SPRED2: variants seen among roughly 807,000 people sequenced by gnomAD.
The protein encoded by SPRED2 is sprouty-related, EVH1 domain-containing protein 2.
Under a neutral mutation model 43.0 loss-of-function variants are expected in SPRED2, and 47 were observed. The observed-to-expected ratio is 1.09, with a 90% CI of 0.87 to 1.40. The LOEUF is 1.40. Ranked by LOEUF, SPRED2 falls within the 40% of genes most tolerant of loss-of-function variation. The probability of loss-of-function intolerance (pLI) is 0.00; values close to 1 mark genes in which losing one functional copy is unlikely to be tolerated. For synonymous variants in SPRED2, 225 were observed against 225.7 expected, an observed-to-expected ratio of 1.00 and a Z score of 0.03; for missense variants, 561 against 586.4, an observed-to-expected ratio of 0.96 and a Z score of 0.45.
At chr2:65,364,186 A>G (rs1055390963) in intron 1 of SPRED2, among the ~76,000 whole-genome samples, 2 of 152,194 alleles carry the variant, frequency 1.3e-5, no homozygotes, top group African/African-American at 4.8e-5. Flanking sequence ...GTGGCTCTGG[A>G]TTGTAGACTC....
intron 4 of SPRED2, among the ~76,000 whole-genome samples, chr2:65,323,245 T>G (rs776044489): frequency 1.1e-3 from 160 of 152,262 alleles, no homozygotes; most frequent in Non-Finnish European, 1.7e-3. Context: ...TCCGCCCACC[T>G]CAGCCTCCCA....
intron 1 of SPRED2, among the ~76,000 whole-genome samples, chr2:65,356,386 CAT>C (rs1047601697): frequency 6.6e-6 from 1 of 152,048 alleles, no homozygotes; most frequent in Non-Finnish European, 1.5e-5. Context: ...ACCTGAAAAT[CAT>C]AAATATTGGG....
At chr2:65,430,731 C>T (rs376380199) in intron 1 of SPRED2, among the ~76,000 whole-genome samples, 29 of 152,274 alleles carry the variant, frequency 1.9e-4, no homozygotes, top group East Asian at 1.4e-3. Context: ...GCTCTTTGCG[C>T]CCAAGCCCGC....
intron 1 of SPRED2, among the ~76,000 whole-genome samples, chr2:65,390,310 A>G (rs916697623): frequency 1.3e-5 from 2 of 152,212 alleles, no homozygotes; most frequent in African/African-American, 4.8e-5. Flanking sequence ...TAACTCTGCC[A>G]TGGAAATCCC....
intron 2 of SPRED2, among the ~76,000 whole-genome samples, chr2:65,335,654 C>T (rs141314849): frequency 6.6e-6 from 1 of 152,308 alleles, no homozygotes; most frequent in Non-Finnish European, 1.5e-5. Context: ...TGATTTCAAA[C>T]TATTCTTTAA....
intron 1 of SPRED2, among the ~76,000 whole-genome samples, chr2:65,394,949 C>G (rs1200625812): frequency 6.6e-6 from 1 of 151,964 alleles, no homozygotes; most frequent in Non-Finnish European, 1.5e-5. Flanking sequence ...ATTTTCTGAC[C>G]GAGGAAAATA....
chr2:65,343,912 C>T (rs547307095), intron 2 of SPRED2, among the ~76,000 whole-genome samples: 3 of 152,072 alleles, frequency 2.0e-5, no homozygotes, highest in South Asian at 2.1e-4. Flanking sequence ...TTTGGGAGGC[C>T]GAGGTGGGTG....
chr2:65,410,534 C>T (rs1290433120), intron 1 of SPRED2, among the ~76,000 whole-genome samples: 2 of 152,066 alleles, frequency 1.3e-5, no homozygotes, highest in South Asian at 2.1e-4. Flanking sequence ...CCGAGGCGGG[C>T]GGATCACAAG....
At chr2:65,359,656 G>A (rs1674748351) in intron 1 of SPRED2, among the ~76,000 whole-genome samples, 1 of 152,164 alleles carries the variant, frequency 6.6e-6, no homozygotes, top group Admixed American at 6.5e-5. Flanking sequence ...CTGGCTGGGC[G>A]CAGTGACTCA....
chr2:65,409,897 G>A (rs1178779956), intron 1 of SPRED2, among the ~76,000 whole-genome samples: 3 of 151,900 alleles, frequency 2.0e-5, no homozygotes, highest in Non-Finnish European at 4.4e-5. Context: ...AGGTGTGGTG[G>A]CGCGTGCCTG....
intron 1 of SPRED2, 105 bp downstream of exon 1, chr2:65,431,857 C>G: frequency 7.2e-7 from 1 of 1,380,854 alleles, no homozygotes; most frequent in Non-Finnish European, 1.0e-6. Context: ...AGTCGCTGCA[C>G]CCCACGCCAA....
chr2:65,340,849 A>G (rs1391298860), intron 2 of SPRED2, among the ~76,000 whole-genome samples: 1 of 152,204 alleles, frequency 6.6e-6, no homozygotes, highest in African/African-American at 2.4e-5. Flanking sequence ...CTCTGATACA[A>G]TCCATCCAAT....
Position 65,316,748 on chromosome 2 carries a change from A to G in SPRED2, c.574T>C (p.Tyr192His). The part of the protein sequence containing the change: ...HLHDSYPTDH[Y>H]HLDQPMPRPY... Reference sequence around the variant, plus strand: ...CTGCTGCTCACCTGATCGAGGTGATAGTGGTCTGTGGGGTATGAGTCGTGG... The same window carrying G: ...CTGCTGCTCACCTGATCGAGGTGATGGTGGTCTGTGGGGTATGAGTCGTGG... The change falls in exon 5 of 6, where the codon TAT becomes CAT. Residue 192 changes from tyrosine (Y) to histidine (H), a missense_variant. Around this residue, in one of 6 missense-constraint regions of SPRED2, gnomAD observed 305 missense variants for 282.4 expected, o/e 1.08. Coordinates refer to ENST00000356388, the MANE Select transcript of SPRED2 (RefSeq NM_181784.3). 5 of 1,611,062 alleles carry G rather than the reference A, an allele frequency of 3.1e-6. No homozygotes were observed. The highest frequency in any genetic ancestry group is 3.4e-6 in the Non-Finnish European group (4 of 1,179,006).
At chr2:65,382,643 A>G (rs1358860433) in intron 1 of SPRED2, among the ~76,000 whole-genome samples, 1 of 152,254 alleles carries the variant, frequency 6.6e-6, no homozygotes, top group African/African-American at 2.4e-5. Context: ...GGTGTCATTA[A>G]TTATAACATA....
chr2:65,349,308 CAAAAAAAAAAAAA>C (rs59019958), intron 1 of SPRED2, among the ~76,000 whole-genome samples: 1 of 83,704 alleles, frequency 1.2e-5, no homozygotes, highest in Non-Finnish European at 2.3e-5. Context: ...GACTCTGTCT[CAAAAAAAAAAAAA>C]AAAAAAAAAG....
chr2:65,372,142 C>T (rs976520798), intron 1 of SPRED2, among the ~76,000 whole-genome samples: 1 of 152,078 alleles, frequency 6.6e-6, no homozygotes, highest in Non-Finnish European at 1.5e-5. Flanking sequence ...GTGGTTTCAG[C>T]CCAGGTTTCT....
intron 1 of SPRED2, among the ~76,000 whole-genome samples, chr2:65,398,244 G>A (rs1051596485): frequency 2.0e-5 from 3 of 152,168 alleles, no homozygotes; most frequent in African/African-American, 7.2e-5. Context: ...AACTCAAGAT[G>A]GACCAAAGAC....
chr2:65,401,218 C>T (rs1675878841), intron 1 of SPRED2, among the ~76,000 whole-genome samples: 1 of 151,764 alleles, frequency 6.6e-6, no homozygotes, highest in African/African-American at 2.4e-5. Context: ...TCAAGTGATC[C>T]ACCCGCCTCA....
intron 1 of SPRED2, chr2:65,366,671 A>G: frequency 6.5e-7 from 1 of 1,543,506 alleles, no homozygotes; most frequent in Non-Finnish European, 8.7e-7. Context: ...AGCTTCCGAT[A>G]AAAATGGATC....
Sources: allele counts gnomAD v4.1 joint callset (sites outside exome capture counted in the v4.1 genomes callset), GRCh38; gene constraint gnomAD v4.1.1; regional missense constraint gnomAD v4.1.1; transcripts MANE v1.5; gene names NCBI Gene and HGNC (gene_info 2026-07-23, HGNC 2026-07-21).